The following HOXA11 variants were observed in gnomAD, a reference collection of about 807,000 sequenced individuals.
HOXA11 encodes the protein homeobox A11.
A neutral mutation model predicts 22.5 loss-of-function variants in HOXA11; 8 were observed. The observed-to-expected ratio is 0.36, with a 90% confidence interval of 0.21 to 0.64. The LOEUF (loss-of-function observed/expected upper bound fraction) is 0.64. Among genes scored for constraint, HOXA11 ranks in the 30% least tolerant of loss-of-function variants. HOXA11 has a pLI of 0.67. For missense variants in HOXA11, 388 were observed against 429.0 expected (o/e 0.90, Z 0.84); for synonymous variants, 211 against 188.4 (o/e 1.12, Z -0.98).
At chr7:27,183,133 C>G (rs1783796359) in intron 1 of HOXA11, 105 bp from the exon 2 acceptor site, 2 of 765,784 alleles carry the variant, frequency 2.6e-6, no homozygotes, top group Admixed American at 4.8e-5. Context: ...GGTGGTCCAG[C>G]CCAAGCCCCG....
intron 1 of HOXA11, among the ~76,000 whole-genome samples, 187 bp from the exon 2 acceptor site, chr7:27,183,215 GCC>G (rs1349389846): frequency 6.6e-6 from 1 of 152,228 alleles, no homozygotes; most frequent in African/African-American, 2.4e-5. Flanking sequence ...TGGAGGCTCA[GCC>G]ACAGATAAAA....
chr7:27,183,371 A>G (rs1783799575), intron 1 of HOXA11, among the ~76,000 whole-genome samples: 1 of 152,258 alleles, frequency 6.6e-6, no homozygotes, highest in Non-Finnish European at 1.5e-5. Flanking sequence ...TGCCTCTCGC[A>G]GGCCAGACTA....
At position 27,182,475 on chromosome 7, in the gene HOXA11, G is replaced by A. The variant is rs906931113; in HGVS notation, c.*321C>T. 26 of 467,108 alleles carry A rather than the reference G, an allele frequency of 5.6e-5. No individual in the cohort carries two copies. The highest frequency in any genetic ancestry group is 9.9e-5 in the Non-Finnish European group (25 of 253,768). 28.9% of individuals were successfully genotyped at this position (467,108 alleles called of 1,614,324 possible). A position where few individuals can be genotyped will look rare whatever the true frequency, so the allele number is the denominator to read the frequency against. ...GGTGTGGTGGGGTTAGTCTCCAGGG[G>A]GTCTGGCAGGGGCCCAATCCCCAGT... On this transcript the variant is annotated 3_prime_UTR_variant, in exon 2 of 2. Transcript: ENST00000006015.
intron 1 of HOXA11, 142 bp from the exon 2 acceptor site, chr7:27,183,170 T>G: frequency 1.6e-6 from 1 of 632,666 alleles, no homozygotes; most frequent in South Asian, 1.9e-5. Flanking sequence ...CCCCTGCCTT[T>G]AACGCTCCGA....
At chr7:27,183,585 G>C (rs977608005) in intron 1 of HOXA11, among the ~76,000 whole-genome samples, 3 of 152,118 alleles carry the variant, frequency 2.0e-5, no homozygotes, top group African/African-American at 7.2e-5. Context: ...CGGCTCCGCC[G>C]AGGTGGGGAG....
rs779368021 is a variant in HOXA11, at chr7:27,185,210, T to A, written c.-66A>T. The stretch of plus-strand genomic sequence containing the variant: ...CATGATTCTCCACTGCAGCTGCCTC[T>A]TTGAAGCGGATCCGTGAAGTAGAAA... On this transcript the variant is annotated 5_prime_UTR_variant, in exon 1 of 2. The change creates a new upstream start codon in the 5' untranslated region. Coordinates refer to ENST00000006015, the MANE Select transcript of HOXA11 (RefSeq NM_005523.6). 3.7e-6 allele frequency: 6 copies of A among 1,609,240 alleles called. No individual in the cohort carries two copies. The African/African-American group carries it at 8.0e-5, about 21-fold the overall frequency.
In HOXA11 at chr7:27,181,954, T is replaced by G. The variant is rs1783775974; in HGVS notation, c.*842A>C. 3 of 228,548 alleles carry G rather than the reference T, an allele frequency of 1.3e-5. No individual in the cohort carries two copies. Among genetic ancestry groups the G allele is most frequent in the Admixed American group, 5.7e-5 (1 of 17,636 alleles). The allele number at this position is 228,548 out of a possible 1,614,324, so 14.2% of individuals were successfully genotyped here. ...GTTTCATTACGTGTGGTGGAGAGTTTGCCAAACTGCCACACTCCACAGCCA... is the reference window on the plus strand; with the variant it reads ...GTTTCATTACGTGTGGTGGAGAGTTGGCCAAACTGCCACACTCCACAGCCA... On this transcript the variant is annotated 3_prime_UTR_variant, in exon 2 of 2. Transcript: ENST00000006015.
rs1359444889 is a variant in HOXA11 at position 27,181,626 on chromosome 7, T to C, written c.*1170A>G. ...TTAACCACGGAACACTGTAAACAGA[T>C]AGGGCCTTTAAATATTTTCATCATC... On this transcript the variant is annotated 3_prime_UTR_variant, in exon 2 of 2. Coordinates refer to ENST00000006015, the MANE Select transcript of HOXA11 (RefSeq NM_005523.6). 1 of 184,844 alleles carries C rather than the reference T, an allele frequency of 5.4e-6. No homozygotes were observed. Among genetic ancestry groups the C allele is most frequent in the Non-Finnish European group, 1.1e-5 (1 of 87,098 alleles). 11.5% of individuals were successfully genotyped at this position (184,844 alleles called of 1,614,324 possible).
rs1282557463 is a variant in HOXA11 at position 27,184,500 on chromosome 7, GCGC to G, written c.642_644del (p.Arg215del). 1.3e-6 allele frequency: 2 copies of G among 1,536,442 alleles called. No homozygotes were observed. The highest frequency in any genetic ancestry group is 2.6e-5 in the East Asian group (1 of 38,916). On this transcript the variant is annotated inframe_deletion, in exon 1 of 2. Transcript: ENST00000006015. ...ACTCGGGGCTGCTGCTGCTCTCGGG[GCGC>G]CGCCGCCGCTCTTTCTCCTCTGCTG...
chr7:27,184,807 T>C lies in HOXA11; in HGVS notation c.338A>G (p.Asn113Ser), dbSNP rs768286488. The C allele has an allele frequency of 5.0e-6, 8 of 1,613,738 alleles. No individual in the cohort carries two copies. Among genetic ancestry groups the C allele is most frequent in the South Asian group, 3.3e-5 (3 of 91,088 alleles). The change falls in exon 1 of 2, where the codon AAC becomes AGC. Residue 113 changes from asparagine to serine, a missense_variant. By Grantham distance (46) the Asn-to-Ser change is conservative (BLOSUM62 1). Transcript: ENST00000006015. Reference protein sequence around the residue: ...PGDVLAKSSANVYHHPTPAVS... With the variant: ...PGDVLAKSSASVYHHPTPAVS... The stretch of plus-strand genomic sequence containing the variant: ...TGCGGGGGTGGGGTGGTGGTAGACG[T>C]TGGCCGAGCTCTTGGCCAGCACGTC...
Position 27,184,887 on chromosome 7 carries a change from C to T in HOXA11, c.258G>A (p.Glu86=), listed in dbSNP as rs1451297930. 13 of 1,614,012 alleles carry T rather than the reference C, an allele frequency of 8.1e-6. No individual in the cohort carries two copies. The highest frequency in any genetic ancestry group is 1.1e-5 in the Non-Finnish European group (13 of 1,180,016). ...GCAGGCAGTCTCTGTGCACGAGCTC[C>T]TCCGCGGAGTAGCAGTGGGCCAGAT... ...RGNLAHCYSA[E]ELVHRDCLQA... is the part of the protein sequence containing the mutation. Residue 86 remains glutamate (E), a synonymous_variant, in exon 1 of 2, where the codon GAG becomes GAA. Coordinates refer to ENST00000006015, the MANE Select transcript of HOXA11 (RefSeq NM_005523.6).
Position 27,184,547 on chromosome 7 carries a change from A to G in HOXA11, c.598T>C (p.Cys200Arg). 1 of 1,494,634 alleles carries G rather than the reference A, an allele frequency of 6.7e-7. No homozygotes were observed. The highest frequency in any genetic ancestry group is 8.9e-7 in the Non-Finnish European group (1 of 1,118,512). 92.6% of individuals were successfully genotyped at this position (1,494,634 alleles called of 1,614,324 possible). A position where few individuals can be genotyped will look rare whatever the true frequency, so the allele number is the denominator to read the frequency against. ...SSSDSGGGGGCRETAAAAEEK... is the reference protein window; with the variant it reads ...SSSDSGGGGGRRETAAAAEEK... ...TCTGCTGCCGCCGCCGTCTCCCGGC[A>G]GCCGCCGCCGCCGCCGCTGTCCGAA... The change falls in exon 1 of 2, where the codon TGC (cysteine) becomes CGC (arginine). Residue 200 changes from cysteine to arginine, a missense_variant. Transcript: ENST00000006015.
At position 27,182,581 on chromosome 7, in the gene HOXA11, C is replaced by A; in HGVS notation, c.*215G>T. 1 of 613,018 alleles carries A rather than the reference C, an allele frequency of 1.6e-6. No individual in the cohort carries two copies. The highest frequency in any genetic ancestry group is 2.9e-6 in the Non-Finnish European group (1 of 339,778). 38.0% of individuals were successfully genotyped at this position (613,018 alleles called of 1,614,324 possible). On this transcript the variant is annotated 3_prime_UTR_variant, in exon 2 of 2. Coordinates refer to ENST00000006015, the MANE Select transcript of HOXA11 (RefSeq NM_005523.6). ...CCCAAACCTGTCATTCTAGCTGATG[C>A]ACAGCTCTCAGAATCCAATGATTAT...
At chr7:27,183,347 T>TG (rs958384031) in intron 1 of HOXA11, among the ~76,000 whole-genome samples, 5 of 152,190 alleles carry the variant, frequency 3.3e-5, no homozygotes, top group Non-Finnish European at 7.4e-5. Context: ...AGCAGCCAAG[T>TG]GGGGGTTGCC....
At position 27,181,175 on chromosome 7, in the gene HOXA11, T is replaced by A. The variant is rs530375207; in HGVS notation, c.*1621A>T. Reference sequence around the variant, plus strand: ...AGGATACTCAAATTTCCACCGTCTTTATTTTCCTTGTGCCCAGTTGCCTGT... The same window carrying A: ...AGGATACTCAAATTTCCACCGTCTTAATTTTCCTTGTGCCCAGTTGCCTGT... On this transcript the variant is annotated 3_prime_UTR_variant, in exon 2 of 2. Transcript: ENST00000006015. 0.074 allele frequency among the ~76,000 whole-genome samples: 11,245 copies of A among 152,126 alleles called. 454 individuals are homozygous for A. Among genetic ancestry groups the A allele is most frequent in the Middle Eastern group, 0.11 (32 of 294 alleles).
Position 27,185,133 on chromosome 7 carries a change from A to G in HOXA11, c.12T>C (p.Asp4=). 1 of 1,614,012 alleles carries G rather than the reference A, an allele frequency of 6.2e-7. No homozygotes were observed. The highest frequency in any genetic ancestry group is 1.1e-5 in the South Asian group (1 of 91,086). Residue 4 remains aspartate (D), a synonymous_variant, in exon 1 of 2, where the codon GAT becomes GAC. Transcript: ENST00000006015. MDF[D]ERGPCSSNMY... is the part of the protein sequence containing the mutation. ...TGTTAGAGGAGCAGGGACCACGCTC[A>G]TCAAAATCCATTATTGGGCTACCTT...
rs1254288023 is a variant in HOXA11, at chr7:27,182,568, A to T, written c.*228T>A. 6.8e-6 allele frequency: 4 copies of T among 586,962 alleles called. No homozygotes were observed. Among genetic ancestry groups the T allele is most frequent in the Non-Finnish European group, 1.2e-5 (4 of 325,618 alleles). The allele number at this position is 586,962 out of a possible 1,614,324, so 36.4% of individuals were successfully genotyped here. A position where few individuals can be genotyped will look rare whatever the true frequency, so the allele number is the denominator to read the frequency against. On this transcript the variant is annotated 3_prime_UTR_variant, in exon 2 of 2. Coordinates refer to ENST00000006015, the MANE Select transcript of HOXA11 (RefSeq NM_005523.6). ...AACCACCAGGGGTCCCAAACCTGTC[A>T]TTCTAGCTGATGCACAGCTCTCAGA...
chr7:27,183,126 G>T, intron 1 of HOXA11, 98 bp from the exon 2 acceptor site: 1 of 807,176 alleles, frequency 1.2e-6, no homozygotes. Flanking sequence ...GGGGACTGGT[G>T]GTCCAGCCCA....
chr7:27,183,746 TTAAAA>T (rs1783805957), intron 1 of HOXA11, among the ~76,000 whole-genome samples: 3 of 50,318 alleles, frequency 6.0e-5, no homozygotes, highest in Admixed American at 5.5e-4. Context: ...TGCTCCCCCT[TTAAAA>T]AAAAAAAAAA....
Sources: allele counts gnomAD v4.1 joint callset (sites outside exome capture counted in the v4.1 genomes callset), GRCh38; gene constraint gnomAD v4.1.1; transcripts MANE v1.5; gene names NCBI Gene and HGNC (gene_info 2026-07-23, HGNC 2026-07-21).